Variants in GRM8 observed in about 807,000 individuals in gnomAD.
The protein encoded by GRM8 is glutamate metabotropic receptor 8, also known as metabotropic glutamate receptor 8.
A neutral mutation model predicts 87.2 loss-of-function variants in GRM8; 47 were observed. The ratio of observed to expected loss-of-function variants is 0.54; its 90% CI spans 0.43 to 0.69. The LOEUF is 0.69. GRM8 is among the 30% of genes least tolerant of loss of function. GRM8 has a pLI of 0.00. For missense variants in GRM8, 1,019 were observed against 1,139.2 expected (o/e 0.89, Z 1.52); for synonymous variants, 396 against 404.5 (o/e 0.98, Z 0.25).
At chr7:127,026,319 G>C in intron 3 of GRM8, among the ~76,000 whole-genome samples, 1 of 152,120 alleles carries the variant, frequency 6.6e-6, no homozygotes, top group East Asian at 1.9e-4. Context: ...ACGTGTGCAT[G>C]TGTCTTTATA....
At chr7:127,052,736 T>C (rs1416549887) in intron 3 of GRM8, among the ~76,000 whole-genome samples, 1 of 152,210 alleles carries the variant, frequency 6.6e-6, no homozygotes, top group Non-Finnish European at 1.5e-5. Flanking sequence ...TATGATTCAA[T>C]ACAACTAACT....
At chr7:127,167,035 G>T (rs1473478131) in intron 2 of GRM8, among the ~76,000 whole-genome samples, 1 of 152,116 alleles carries the variant, frequency 6.6e-6, no homozygotes, top group Non-Finnish European at 1.5e-5. Flanking sequence ...CTAAGAGTAG[G>T]AAATCACTAA....
Position 126,987,636 on chromosome 7 carries a change from A to AT in GRM8, c.728-82954dup, listed in dbSNP as rs1292069543. Among the ~76,000 whole-genome samples the AT allele has an allele frequency of 3.3e-5, 5 of 150,826 alleles. No homozygotes were observed. The East Asian group carries it at 5.9e-4, about 18-fold the overall frequency. On this transcript the variant is annotated intron_variant, in intron 3 of 10. Coordinates refer to ENST00000339582, the MANE Select transcript of GRM8 (RefSeq NM_000845.3). ...CCACCACGCCCGGCTAATTTTTTGT[A>AT]TTTTTTTTAGTAGAGATGGGGTTTC... is the stretch of plus-strand genomic sequence containing the variant.
At chr7:127,108,300 C>T (rs1281293450) in intron 2 of GRM8, among the ~76,000 whole-genome samples, 1 of 151,832 alleles carries the variant, frequency 6.6e-6, no homozygotes, top group Non-Finnish European at 1.5e-5. Context: ...GGGAAGGAAA[C>T]CATGGATAAC....
intron 7 of GRM8, among the ~76,000 whole-genome samples, chr7:126,616,722 C>G (rs964365824): frequency 2.0e-5 from 3 of 152,140 alleles, no homozygotes; most frequent in South Asian, 2.1e-4. Context: ...GAAATACAAA[C>G]TACCATCAGA....
intron 9 of GRM8, among the ~76,000 whole-genome samples, chr7:126,456,047 T>A (rs545378433): frequency 6.6e-6 from 1 of 151,812 alleles, no homozygotes; most frequent in African/African-American, 2.4e-5. Flanking sequence ...TAAGCTAACA[T>A]TTTAATCATT....
At chr7:126,969,660 C>T (rs1810217878) in intron 3 of GRM8, among the ~76,000 whole-genome samples, 1 of 152,136 alleles carries the variant, frequency 6.6e-6, no homozygotes, top group African/African-American at 2.4e-5. Flanking sequence ...GGGTTGGCAT[C>T]AACTTCTTCC....
chr7:126,702,676 C>T (rs1255171500), intron 7 of GRM8, among the ~76,000 whole-genome samples: 1 of 152,144 alleles, frequency 6.6e-6, no homozygotes, highest in African/African-American at 2.4e-5. Context: ...TTCTAACTCC[C>T]CAGCTTCCTG....
At chr7:127,251,109 G>A (rs1798838983) in intron 1 of GRM8, 2 of 152,174 alleles carry the variant, frequency 1.3e-5, no homozygotes, top group Admixed American at 1.3e-4. Context: ...TCCCGGGGTG[G>A]GACTTGCTTA....
intron 7 of GRM8, among the ~76,000 whole-genome samples, chr7:126,624,598 T>A (rs937276984): frequency 3.9e-5 from 6 of 152,242 alleles, no homozygotes; most frequent in Admixed American, 6.5e-5. Context: ...AATATTTCTA[T>A]CACATTCTCC....
intron 9 of GRM8, among the ~76,000 whole-genome samples, chr7:126,464,280 T>A (rs899342879): frequency 5.9e-5 from 9 of 151,732 alleles, no homozygotes; most frequent in Admixed American, 3.3e-4. Flanking sequence ...CCTTGTTCCT[T>A]TTTGGTTCCA....
At chr7:126,664,189 T>A (rs1012394781) in intron 7 of GRM8, among the ~76,000 whole-genome samples, 1 of 152,156 alleles carries the variant, frequency 6.6e-6, no homozygotes, top group Non-Finnish European at 1.5e-5. Context: ...GAAGAATCAA[T>A]ATTGTTAAAA....
intron 6 of GRM8, among the ~76,000 whole-genome samples, chr7:126,849,173 C>A (rs1796976289): frequency 1.3e-5 from 2 of 152,044 alleles, no homozygotes; most frequent in South Asian, 4.2e-4. Context: ...AACCATATCA[C>A]CCTGTCTCAA....
intron 1 of GRM8, among the ~76,000 whole-genome samples, chr7:127,244,210 C>A (rs987072100): frequency 6.6e-6 from 1 of 152,004 alleles, no homozygotes; most frequent in African/African-American, 2.4e-5. Context: ...TCAGGGTTTC[C>A]AATTAATTTG....
chr7:127,060,400 C>A (rs1304284885), intron 3 of GRM8, among the ~76,000 whole-genome samples: 1 of 151,892 alleles, frequency 6.6e-6, no homozygotes, highest in Non-Finnish European at 1.5e-5. Flanking sequence ...AAAAGACATG[C>A]AATAAGTAAT....
intron 3 of GRM8, among the ~76,000 whole-genome samples, chr7:127,004,979 G>GA (rs1163812289): frequency 6.6e-6 from 1 of 151,438 alleles, no homozygotes; most frequent in Non-Finnish European, 1.5e-5. Flanking sequence ...TAATCATTAC[G>GA]AAAGAGGAAG....
rs565178541 is a variant in GRM8, at chr7:126,591,387, A to G, written c.1494+17975T>C. Among the ~76,000 whole-genome samples the G allele has an allele frequency of 3.0e-4, 45 of 152,210 alleles. No individual in the cohort carries two copies. The South Asian group carries it at 8.7e-3, about 29-fold the overall frequency. ...CTTCCAAATTTATAAAATGATTACT[A>G]CTAGACCTAAGAAATGAGATAGACA... On this transcript the variant is annotated intron_variant, in intron 8 of 10. Transcript: ENST00000339582.
At chr7:126,894,537 T>C (rs1357214225) in intron 6 of GRM8, among the ~76,000 whole-genome samples, 6 of 152,036 alleles carry the variant, frequency 3.9e-5, no homozygotes, top group Non-Finnish European at 8.8e-5. Context: ...AAAATGTGAG[T>C]ATTTACGTAC....
intron 3 of GRM8, among the ~76,000 whole-genome samples, chr7:127,064,561 C>G (rs1432094530): frequency 1.3e-5 from 2 of 152,258 alleles, no homozygotes; most frequent in South Asian, 2.1e-4. Context: ...TTGGATCTTG[C>G]TTTTCTATCC....
Sources: allele counts gnomAD v4.1 joint callset (sites outside exome capture counted in the v4.1 genomes callset), GRCh38; gene constraint gnomAD v4.1.1; transcripts MANE v1.5; gene names NCBI Gene and HGNC (gene_info 2026-07-23, HGNC 2026-07-21).